Variants in LHFPL3 observed in about 807,000 individuals in gnomAD.
The protein encoded by LHFPL3 is LHFPL tetraspan subfamily member 3 protein.
LHFPL3 carries 5 observed loss-of-function variants against 19.3 expected under a neutral mutation model. The ratio of observed to expected loss-of-function variants is 0.26; its 90% CI spans 0.14 to 0.54. The LOEUF (loss-of-function observed/expected upper bound fraction) is 0.54, where lower values mean the gene tolerates loss of function less well. LHFPL3 is among the 20% of genes least tolerant of loss of function. The pLI is 0.94. For missense variants in LHFPL3, 249 were observed against 307.4 expected, an observed-to-expected ratio of 0.81 and a Z score of 1.42; for synonymous variants, 133 against 126.2, an observed-to-expected ratio of 1.05 and a Z score of -0.36.
intron 1 of LHFPL3, among the ~76,000 whole-genome samples, chr7:104,423,104 G>T (rs948299167): frequency 4.6e-5 from 7 of 152,186 alleles, no homozygotes; most frequent in Admixed American, 1.3e-4. Flanking sequence ...TAAGGTCAGT[G>T]TGTCAGGAGG....
chr7:104,884,069 CAG>C (rs1317337448), intron 2 of LHFPL3, among the ~76,000 whole-genome samples: 1 of 152,116 alleles, frequency 6.6e-6, no homozygotes, highest in Non-Finnish European at 1.5e-5. Context: ...AATCCCCAAA[CAG>C]AGATAATAAG....
chr7:104,617,832 T>C (rs1042579338), intron 1 of LHFPL3, among the ~76,000 whole-genome samples: 2 of 152,230 alleles, frequency 1.3e-5, no homozygotes, highest in African/African-American at 4.8e-5. Flanking sequence ...TTTGTGTATC[T>C]AGAGAAAATC....
intron 1 of LHFPL3, among the ~76,000 whole-genome samples, chr7:104,660,004 G>GTTTTTTT (rs35499793): frequency 7.1e-6 from 1 of 140,474 alleles, no homozygotes; most frequent in East Asian, 2.2e-4. Flanking sequence ...ACAGCAACTC[G>GTTTTTTT]TTTTTTTTTT....
chr7:104,734,187 A>G (rs957404379), intron 1 of LHFPL3, among the ~76,000 whole-genome samples: 25 of 152,096 alleles, frequency 1.6e-4, no homozygotes, highest in African/African-American at 4.8e-4. Context: ...GACTCTGACA[A>G]TTATGTATCT....
chr7:104,514,966 CATG>C (rs1460490443), intron 1 of LHFPL3, among the ~76,000 whole-genome samples: 1 of 152,116 alleles, frequency 6.6e-6, no homozygotes, highest in South Asian at 2.1e-4. Flanking sequence ...AAGCCCAGCC[CATG>C]ATAACTTGGG....
intron 1 of LHFPL3, among the ~76,000 whole-genome samples, chr7:104,408,765 T>C (rs892834424): frequency 2.0e-5 from 3 of 152,064 alleles, no homozygotes; most frequent in Non-Finnish European, 4.4e-5. Context: ...TCTCACTCAT[T>C]GGAATGAGTA....
intron 1 of LHFPL3, among the ~76,000 whole-genome samples, chr7:104,661,471 C>T (rs1478266461): frequency 6.6e-6 from 1 of 152,230 alleles, no homozygotes; most frequent in Non-Finnish European, 1.5e-5. Flanking sequence ...GCAATTAAAT[C>T]AGGAAGTGAA....
At chr7:104,477,165 T>G (rs930803943) in intron 1 of LHFPL3, among the ~76,000 whole-genome samples, 1 of 151,954 alleles carries the variant, frequency 6.6e-6, no homozygotes, top group African/African-American at 2.4e-5. Context: ...ATATTTTTAA[T>G]TTTTTTGTAG....
chr7:104,777,213 A>G (rs1341218364), intron 2 of LHFPL3, among the ~76,000 whole-genome samples: 1 of 152,178 alleles, frequency 6.6e-6, no homozygotes, highest in Non-Finnish European at 1.5e-5. Flanking sequence ...ATTTGGAAAT[A>G]TTATGATCCT....
intron 1 of LHFPL3, among the ~76,000 whole-genome samples, chr7:104,481,955 C>T (rs11772914): frequency 0.64 from 97,183 of 151,976 alleles, 31,625 homozygotes; most frequent in Middle Eastern, 0.71. Flanking sequence ...GCATCTAATT[C>T]CCCCTTCCAC....
chr7:104,603,122 CTTTCTTT>C (rs1791013582), intron 1 of LHFPL3, among the ~76,000 whole-genome samples: 1 of 120,214 alleles, frequency 8.3e-6, no homozygotes, highest in South Asian at 2.9e-4. Context: ...TTCTTTCTTT[CTTTCTTT>C]CTTTTTTCCC....
In LHFPL3 at chr7:104,628,311, T is replaced by A. The variant is rs927888165; in HGVS notation, c.446-108364T>A. 2.0e-5 allele frequency among the ~76,000 whole-genome samples: 3 copies of A among 152,194 alleles called. No individual in the cohort carries two copies. In the South Asian group the frequency reaches 6.2e-4, roughly 32 times the overall value. The stretch of plus-strand genomic sequence containing the variant: ...TATTTAATTGCTGCAGCTACTACCC[T>A]AGGCTAAGCTTTCCCTACGTCACTG... On this transcript the variant is annotated intron_variant, in intron 1 of 2. Transcript: ENST00000424859.
intron 2 of LHFPL3, among the ~76,000 whole-genome samples, chr7:104,765,696 T>A (rs1794445460): frequency 6.6e-6 from 1 of 152,232 alleles, no homozygotes; most frequent in Admixed American, 6.5e-5. Flanking sequence ...TGCAAGATAC[T>A]CCGTTGTTTC....
At position 104,736,703 on chromosome 7, in the gene LHFPL3, T is replaced by C. The variant is rs1381118195; in HGVS notation, c.474T>C (p.Ile158=). 1.2e-6 allele frequency: 2 copies of C among 1,613,616 alleles called. No individual in the cohort carries two copies. The highest frequency in any genetic ancestry group is 1.7e-6 in the Non-Finnish European group (2 of 1,179,762). ...CCTGCCTTGTGCTTGGCTGTATGAT[T>C]TTCCCTGATGGCTGGGACTCAGATG... ...SAACLVLGCM[I]FPDGWDSDEV... Residue 158 remains isoleucine (I), a synonymous_variant, in exon 2 of 3, where the codon ATT becomes ATC. Coordinates refer to ENST00000424859, the MANE Select transcript of LHFPL3 (RefSeq NM_199000.3).
chr7:104,813,487 C>A (rs920171491), intron 2 of LHFPL3, among the ~76,000 whole-genome samples: 2 of 152,086 alleles, frequency 1.3e-5, no homozygotes, highest in Non-Finnish European at 2.9e-5. Flanking sequence ...TTTGCTTGTG[C>A]CCACTGGGCT....
chr7:104,384,798 A>AG (rs1409915651), intron 1 of LHFPL3, among the ~76,000 whole-genome samples: 43 of 149,692 alleles, frequency 2.9e-4, no homozygotes, highest in Admixed American at 1.0e-3. Context: ...AAAAAAAAAA[A>AG]AAAAAAAAAA....
chr7:104,613,181 T>C (rs1428152605), intron 1 of LHFPL3, among the ~76,000 whole-genome samples: 1 of 152,206 alleles, frequency 6.6e-6, no homozygotes, highest in African/African-American at 2.4e-5. Flanking sequence ...CAAAGTACCG[T>C]CCTGCTTTTT....
intron 1 of LHFPL3, among the ~76,000 whole-genome samples, chr7:104,403,429 C>T (rs1791354340): frequency 6.6e-6 from 1 of 152,178 alleles, no homozygotes; most frequent in Non-Finnish European, 1.5e-5. Context: ...ATCTCTGCAT[C>T]CTTGGCCCTT....
At chr7:104,549,649 C>A (rs2115903740) in intron 1 of LHFPL3, among the ~76,000 whole-genome samples, 1 of 152,218 alleles carries the variant, frequency 6.6e-6, no homozygotes, top group African/African-American at 2.4e-5. Flanking sequence ...AAAATTATAA[C>A]AACTTTGAGT....
Sources: allele counts gnomAD v4.1 joint callset (sites outside exome capture counted in the v4.1 genomes callset), GRCh38; gene constraint gnomAD v4.1.1; transcripts MANE v1.5; gene names NCBI Gene and HGNC (gene_info 2026-07-23, HGNC 2026-07-21).